Variants in BBS9 observed in about 807,000 individuals in gnomAD.
The protein encoded by BBS9 is protein PTHB1.
Under a neutral mutation model 117.7 loss-of-function variants are expected in BBS9, and 89 were observed. That is an observed-to-expected ratio of 0.76 (90% CI 0.64 to 0.90). The LOEUF (loss-of-function observed/expected upper bound fraction) is 0.90. Ranked by LOEUF, BBS9 falls within the 40% of genes least tolerant of loss-of-function variation. The pLI is 0.00. For synonymous variants in BBS9, 379 were observed against 370.9 expected, an observed-to-expected ratio of 1.02 and a Z score of -0.25; for missense variants, 982 against 1,042.2, an observed-to-expected ratio of 0.94 and a Z score of 0.80.
At chr7:33,171,141 G>C (rs1040810200) in intron 4 of BBS9, among the ~76,000 whole-genome samples, 3 of 152,040 alleles carry the variant, frequency 2.0e-5, no homozygotes, top group African/African-American at 7.3e-5. Context: ...AGCCCGCATC[G>C]CCAAGTCAAT....
intron 21 of BBS9, among the ~76,000 whole-genome samples, chr7:33,576,845 A>T (rs914362455): frequency 2.0e-5 from 3 of 152,226 alleles, no homozygotes; most frequent in African/African-American, 7.2e-5. Context: ...AAAACTGGCT[A>T]GCCATATGTA....
At chr7:33,157,941 A>T (rs1036265789) in intron 4 of BBS9, among the ~76,000 whole-genome samples, 1 of 152,124 alleles carries the variant, frequency 6.6e-6, no homozygotes, top group African/African-American at 2.4e-5. Context: ...GGCATCTCAG[A>T]TTTCTTTCTG....
chr7:33,510,490 C>A (rs565627380), intron 20 of BBS9, among the ~76,000 whole-genome samples: 2 of 152,132 alleles, frequency 1.3e-5, no homozygotes, highest in South Asian at 4.2e-4. Flanking sequence ...TAGGACAAAT[C>A]TCTTTACTCA....
intron 19 of BBS9, among the ~76,000 whole-genome samples, chr7:33,470,540 TGTTCC>T (rs1840860095): frequency 6.6e-6 from 1 of 152,180 alleles, no homozygotes; most frequent in Non-Finnish European, 1.5e-5. Flanking sequence ...TAGCAAGCTT[TGTTCC>T]TCTATTGATA....
At chr7:33,169,743 G>C (rs1161348845) in intron 4 of BBS9, among the ~76,000 whole-genome samples, 1 of 151,750 alleles carries the variant, frequency 6.6e-6, no homozygotes, top group South Asian at 2.1e-4. Context: ...TGCGAAAATT[G>C]TCTCCCATTT....
intron 5 of BBS9, among the ~76,000 whole-genome samples, chr7:33,209,571 G>A (rs1440304849): frequency 1.3e-5 from 2 of 152,110 alleles, no homozygotes; most frequent in Non-Finnish European, 2.9e-5. Flanking sequence ...AGTGTTAGAA[G>A]GTTCCCTTTT....
intron 5 of BBS9, among the ~76,000 whole-genome samples, chr7:33,178,842 C>G (rs1249078503): frequency 6.6e-6 from 1 of 151,808 alleles, no homozygotes; most frequent in African/African-American, 2.4e-5. Context: ...GTATACCAAG[C>G]AGCATCAGGG....
intron 21 of BBS9, among the ~76,000 whole-genome samples, chr7:33,618,183 T>C (rs1478786571): frequency 6.6e-6 from 1 of 152,048 alleles, no homozygotes; most frequent in African/African-American, 2.4e-5. Context: ...CTACAAATTT[T>C]TTTGTTTCAG....
At chr7:33,535,924 G>T (rs1851295916) in intron 21 of BBS9, among the ~76,000 whole-genome samples, 1 of 151,986 alleles carries the variant, frequency 6.6e-6, no homozygotes, top group African/African-American at 2.4e-5. Flanking sequence ...GAGCTTTCCT[G>T]TTCAGGGATC....
intron 19 of BBS9, among the ~76,000 whole-genome samples, chr7:33,420,733 C>CA (rs1338912425): frequency 2.6e-5 from 4 of 152,084 alleles, no homozygotes; most frequent in African/African-American, 9.7e-5. Flanking sequence ...ATTATAAAGT[C>CA]AAAAGAAGCG....
intron 9 of BBS9, among the ~76,000 whole-genome samples, chr7:33,295,157 T>C (rs922501321): frequency 5.9e-5 from 9 of 152,164 alleles, no homozygotes; most frequent in Non-Finnish European, 1.2e-4. Context: ...ATACGTATTC[T>C]ACCTATTCAT....
Position 33,377,478 on chromosome 7 carries a change from G to A in BBS9, c.1790-6188G>A, listed in dbSNP as rs967785262. ...TGATGCTTCCAATTTTGTTCATTTT[G>A]CCTAGGCTTACCTTGGCTATTTGTT... is the stretch of plus-strand genomic sequence containing the variant. On this transcript the variant is annotated intron_variant, in intron 17 of 22. Transcript: ENST00000242067. 2.0e-5 allele frequency among the ~76,000 whole-genome samples: 3 copies of A among 152,074 alleles called. No homozygotes were observed. The South Asian group carries it at 6.2e-4, about 31-fold the overall frequency.
chr7:33,532,696 C>T (rs1178513500), intron 20 of BBS9, among the ~76,000 whole-genome samples: 3 of 152,054 alleles, frequency 2.0e-5, no homozygotes, highest in African/African-American at 7.2e-5. Context: ...GGGGACACAG[C>T]CAAACCATAT....
At chr7:33,318,932 G>T (rs1454916101) in intron 9 of BBS9, among the ~76,000 whole-genome samples, 1 of 152,102 alleles carries the variant, frequency 6.6e-6, no homozygotes, top group East Asian at 1.9e-4. Context: ...TGGGAGGCCA[G>T]TGTGGGCGGA....
At chr7:33,422,851 C>G (rs987280274) in intron 19 of BBS9, among the ~76,000 whole-genome samples, 8 of 152,162 alleles carry the variant, frequency 5.3e-5, no homozygotes, top group Non-Finnish European at 1.0e-4. Flanking sequence ...CTCAAGCAAT[C>G]CTCTCGCCTT....
rs190880787 is a variant in BBS9 at position 33,172,273 on chromosome 7, C to T, written c.329-5205C>T. Among the ~76,000 whole-genome samples the T allele has an allele frequency of 7.2e-3, 1,087 of 151,940 alleles. 10 individuals are homozygous for T. The highest frequency in any genetic ancestry group is 0.012 in the Non-Finnish European group (842 of 67,966). On this transcript the variant is annotated intron_variant, in intron 4 of 22. Coordinates refer to ENST00000242067, the MANE Select transcript of BBS9 (RefSeq NM_198428.3). ...GCGGGCGCCTGTAGTCCCAGCTACT[C>T]GGGAGGCTGAGGCAGGAGAATGGCA...
intron 19 of BBS9, among the ~76,000 whole-genome samples, chr7:33,427,926 C>G (rs565025249): frequency 6.6e-6 from 1 of 152,028 alleles, no homozygotes; most frequent in Admixed American, 6.6e-5. Flanking sequence ...AACTGATAAC[C>G]AGAGAGGAAG....
chr7:33,365,167 C>T (rs914569744), intron 16 of BBS9, among the ~76,000 whole-genome samples: 1 of 151,504 alleles, frequency 6.6e-6, no homozygotes, highest in Admixed American at 6.6e-5. Context: ...CTGTAGATGT[C>T]CATTTCTTTG....
chr7:33,563,126 A>G (rs996632557), intron 21 of BBS9, among the ~76,000 whole-genome samples: 1 of 152,202 alleles, frequency 6.6e-6, no homozygotes, highest in East Asian at 1.9e-4. Flanking sequence ...AATCAGAAGT[A>G]CTGTCAAAAC....
Sources: allele counts gnomAD v4.1 joint callset (sites outside exome capture counted in the v4.1 genomes callset), GRCh38; gene constraint gnomAD v4.1.1; transcripts MANE v1.5; gene names NCBI Gene and HGNC (gene_info 2026-07-23, HGNC 2026-07-21).